The following ST18 variants were observed in gnomAD, a reference collection of about 807,000 sequenced individuals.
The protein encoded by ST18 is suppression of tumorigenicity 18 protein.
A neutral mutation model predicts 110.0 loss-of-function variants in ST18; 50 were observed. The observed-to-expected ratio is 0.45, with a 90% CI of 0.36 to 0.58. The LOEUF (loss-of-function observed/expected upper bound fraction) is 0.58, where lower values mean the gene tolerates loss of function less well. ST18 is among the 20% of genes least tolerant of loss of function. The pLI is 0.00. For synonymous variants in ST18, 461 were observed against 452.4 expected (o/e 1.02, Z -0.24); for missense variants, 1,306 against 1,280.1 (o/e 1.02, Z -0.31).
At chr8:52,294,042 C>G (rs1372473579) in intron 2 of ST18, among the ~76,000 whole-genome samples, 1 of 152,212 alleles carries the variant, frequency 6.6e-6, no homozygotes, top group African/African-American at 2.4e-5. Context: ...ACAAGGCTCA[C>G]AGGTGTATGA....
chr8:52,238,563 C>T (rs2093007414), intron 2 of ST18, among the ~76,000 whole-genome samples: 1 of 152,068 alleles, frequency 6.6e-6, no homozygotes, highest in African/African-American at 2.4e-5. Context: ...ACATTAGTCA[C>T]AATAGCAAAG....
intron 8 of ST18, among the ~76,000 whole-genome samples, chr8:52,195,657 G>A (rs984721899): frequency 6.6e-6 from 1 of 152,116 alleles, no homozygotes; most frequent in Non-Finnish European, 1.5e-5. Context: ...TTTTATTATA[G>A]ATTGTATCTG....
chr8:52,111,852 T>G lies in ST18; in HGVS notation c.*1346A>C, dbSNP rs2040624030. Reference sequence around the variant, plus strand: ...GAAACAATGCTTAACTACTTTACAATCCCTGAAATAGACATTGCCTTTACT... The same window carrying G: ...GAAACAATGCTTAACTACTTTACAAGCCCTGAAATAGACATTGCCTTTACT... On this transcript the variant is annotated 3_prime_UTR_variant, in exon 26 of 26. Coordinates refer to ENST00000689386, the MANE Select transcript of ST18 (RefSeq NM_001352837.2). 6.6e-6 allele frequency: 1 copy of G among 152,526 alleles called. No individual in the cohort carries two copies. Among genetic ancestry groups the G allele is most frequent in the Non-Finnish European group, 1.5e-5 (1 of 68,018 alleles). The allele number at this position is 152,526 out of a possible 1,614,324, so 9.4% of individuals were successfully genotyped here. A position where few individuals can be genotyped will look rare whatever the true frequency, so the allele number is the denominator to read the frequency against.
At chr8:52,255,237 C>A (rs561931481) in intron 2 of ST18, among the ~76,000 whole-genome samples, 3 of 152,318 alleles carry the variant, frequency 2.0e-5, no homozygotes, top group Admixed American at 6.5e-5. Context: ...TGGACACTTG[C>A]TCGCAGGTCT....
chr8:52,230,344 T>C (rs925689740), intron 2 of ST18, among the ~76,000 whole-genome samples: 1 of 151,970 alleles, frequency 6.6e-6, no homozygotes, highest in African/African-American at 2.4e-5. Context: ...TTTATAAGTA[T>C]ATTTGAGAAC....
At chr8:52,291,868 C>T (rs1382426145) in intron 2 of ST18, among the ~76,000 whole-genome samples, 3 of 152,084 alleles carry the variant, frequency 2.0e-5, no homozygotes, top group East Asian at 1.9e-4. Flanking sequence ...TCGACCTCCT[C>T]GGCTCAAGTG....
At chr8:52,406,466 C>G (rs936635062) in intron 2 of ST18, 1 of 152,482 alleles carries the variant, frequency 6.6e-6, no homozygotes, top group East Asian at 1.9e-4. Flanking sequence ...GGCGGGCCAG[C>G]GATCTGGCCT....
chr8:52,160,938 C>A (rs1006861825), intron 14 of ST18, among the ~76,000 whole-genome samples: 4 of 152,158 alleles, frequency 2.6e-5, no homozygotes, highest in African/African-American at 9.7e-5. Context: ...AGTTTGAATG[C>A]TTTTGCTGAG....
intron 22 of ST18, among the ~76,000 whole-genome samples, chr8:52,129,489 C>T (rs1190313442): frequency 6.7e-6 from 1 of 148,218 alleles, no homozygotes; most frequent in East Asian, 2.0e-4. Flanking sequence ...AAATTCCACA[C>T]ACAGAAAGGA....
At chr8:52,379,796 T>C in intron 2 of ST18, among the ~76,000 whole-genome samples, 1 of 152,024 alleles carries the variant, frequency 6.6e-6, no homozygotes, top group Non-Finnish European at 1.5e-5. Flanking sequence ...TGTAAACAAA[T>C]AGAAAAATGA....
chr8:52,288,013 T>C (rs1376265762), intron 2 of ST18, among the ~76,000 whole-genome samples: 1 of 152,194 alleles, frequency 6.6e-6, no homozygotes, highest in Non-Finnish European at 1.5e-5. Flanking sequence ...AAACTGAGCA[T>C]GTTATGTGCA....
chr8:52,158,053 G>A (rs1198378251), intron 15 of ST18, among the ~76,000 whole-genome samples: 2 of 152,236 alleles, frequency 1.3e-5, no homozygotes, highest in Non-Finnish European at 2.9e-5. Context: ...CTGTAAATAG[G>A]AGTTCCTGCT....
intron 23 of ST18, among the ~76,000 whole-genome samples, chr8:52,120,444 A>G (rs1420334664): frequency 6.6e-6 from 1 of 152,230 alleles, no homozygotes; most frequent in Non-Finnish European, 1.5e-5. Flanking sequence ...AAGGAAGCAC[A>G]AAGGGTTCTG....
chr8:52,389,082 G>T (rs1211810984), intron 2 of ST18, among the ~76,000 whole-genome samples: 1 of 152,044 alleles, frequency 6.6e-6, no homozygotes, highest in Non-Finnish European at 1.5e-5. Context: ...GAAGCCCCGA[G>T]AGCCACACAG....
Position 52,158,931 on chromosome 8 carries a change from G to T in ST18, c.1773C>A (p.Ile591=), listed in dbSNP as rs1490492897. Residue 591 remains isoleucine (I), a synonymous_variant, in exon 15 of 26, where the codon ATC becomes ATA. Transcript: ENST00000689386. ...GCAGACTCTGTGGCTTGTTGGAGAG[G>T]ATGTCTGTGGCTTCCCTGCAGCGGG... The part of the protein sequence containing the change: ...LSTRCREATD[I]LSNKPQSLHA... 1.2e-6 allele frequency: 2 copies of T among 1,613,918 alleles called. No homozygotes were observed. The highest frequency in any genetic ancestry group is 1.3e-5 in the African/African-American group (1 of 74,932).
At chr8:52,309,852 T>C (rs1298049212) in intron 2 of ST18, among the ~76,000 whole-genome samples, 1 of 152,084 alleles carries the variant, frequency 6.6e-6, no homozygotes, top group East Asian at 1.9e-4. Context: ...ATCTCATAAA[T>C]GAAACTATTT....
intron 2 of ST18, among the ~76,000 whole-genome samples, chr8:52,370,985 AT>A (rs1289092097): frequency 6.6e-6 from 1 of 152,244 alleles, no homozygotes; most frequent in Admixed American, 6.5e-5. Context: ...CTGGAGTCAG[AT>A]AAAAGTGGAT....
chr8:52,137,793 T>G (rs929631717), intron 17 of ST18: 1 of 278,508 alleles, frequency 3.6e-6, no homozygotes, highest in Non-Finnish European at 6.8e-6. Context: ...ATCAAAGATG[T>G]TTTAATTCAT....
chr8:52,175,195 T>C (rs1187373556), intron 9 of ST18, among the ~76,000 whole-genome samples: 3 of 152,206 alleles, frequency 2.0e-5, no homozygotes, highest in African/African-American at 7.2e-5. Flanking sequence ...CACACGGGAA[T>C]ACCCAATAGG....
Sources: allele counts gnomAD v4.1 joint callset (sites outside exome capture counted in the v4.1 genomes callset), GRCh38; gene constraint gnomAD v4.1.1; transcripts MANE v1.5; gene names NCBI Gene and HGNC (gene_info 2026-07-23, HGNC 2026-07-21).